Variants in MARCHF8 observed in about 807,000 individuals in gnomAD.
MARCHF8 encodes the protein E3 ubiquitin-protein ligase MARCHF8.
A neutral mutation model predicts 51.6 loss-of-function variants in MARCHF8; 40 were observed. The observed-to-expected ratio is 0.77, with a 90% CI of 0.60 to 1.01. The LOEUF is 1.01. MARCHF8 is among the 50% of genes least tolerant of loss of function. The probability of loss-of-function intolerance (pLI) is 0.00; values close to 1 mark genes in which losing one functional copy is unlikely to be tolerated. For synonymous variants in MARCHF8, 263 were observed against 280.3 expected, an observed-to-expected ratio of 0.94 and a Z score of 0.62; for missense variants, 685 against 708.6, an observed-to-expected ratio of 0.97 and a Z score of 0.38.
rs527358215 is a variant in MARCHF8, at chr10:45,463,169, G to T, written c.1070C>A (p.Thr357Lys). 4.5e-6 allele frequency: 7 copies of T among 1,550,116 alleles called. No homozygotes were observed. Among genetic ancestry groups the T allele is most frequent in the Middle Eastern group, 1.7e-4 (1 of 5,938 alleles). The change falls in exon 5 of 8, where the codon ACG (threonine) becomes AAG (lysine). Residue 357 changes from threonine to lysine, a missense_variant. By Grantham distance (78) the Thr-to-Lys change is moderately conservative. Transcript: ENST00000453424. ...AACCAACCTGCAGACATCCCCTGAC[G>T]TGGACACGGGAGATATGGGGGGTAA... is the stretch of plus-strand genomic sequence containing the variant. Reference protein sequence around the residue: ...EKLPPISPVSTSGDVCRICHC... With the variant: ...EKLPPISPVSKSGDVCRICHC...
chr10:45,570,391 A>G (rs2133388836), intron 1 of MARCHF8, among the ~76,000 whole-genome samples: 1 of 152,346 alleles, frequency 6.6e-6, no homozygotes, highest in South Asian at 2.1e-4. Flanking sequence ...CTATAATACC[A>G]GATGCAATGA....
At chr10:45,554,849 G>A (rs148540373) in intron 1 of MARCHF8, among the ~76,000 whole-genome samples, 4 of 152,286 alleles carry the variant, frequency 2.6e-5, no homozygotes, top group Admixed American at 6.5e-5. Context: ...GAGGTCAAGC[G>A]TTCAAGACCA....
chr10:45,476,839 A>G (rs2133019447), intron 3 of MARCHF8, among the ~76,000 whole-genome samples: 1 of 152,348 alleles, frequency 6.6e-6, no homozygotes, highest in South Asian at 2.1e-4. Flanking sequence ...AAAAGAAAGA[A>G]CAAAGCATAC....
At chr10:45,516,984 C>T (rs2043630291) in intron 2 of MARCHF8, among the ~76,000 whole-genome samples, 2 of 152,182 alleles carry the variant, frequency 1.3e-5, no homozygotes, top group Admixed American at 1.3e-4. Context: ...TCCTTATTAA[C>T]AGCCAGGCTC....
At chr10:45,582,264 G>GT (rs2044564219) in intron 1 of MARCHF8, among the ~76,000 whole-genome samples, 1 of 152,184 alleles carries the variant, frequency 6.6e-6, no homozygotes, top group South Asian at 2.1e-4. Flanking sequence ...GGAATTAACT[G>GT]TTAGGAGTGT....
At chr10:45,529,385 G>GA (rs1272943258) in intron 2 of MARCHF8, among the ~76,000 whole-genome samples, 1 of 152,118 alleles carries the variant, frequency 6.6e-6, no homozygotes, top group Admixed American at 6.5e-5. Context: ...GAAAACCTAG[G>GA]AAAAACTCTT....
In MARCHF8 at chr10:45,502,982, G is replaced by A. The variant is rs532583184; in HGVS notation, c.103-13565C>T. 7.2e-5 allele frequency among the ~76,000 whole-genome samples: 11 copies of A among 152,270 alleles called. No homozygotes were observed. In the South Asian group the frequency reaches 2.3e-3, roughly 32 times the overall value. On this transcript the variant is annotated intron_variant, in intron 2 of 7. Coordinates refer to ENST00000453424, the MANE Select transcript of MARCHF8 (RefSeq NM_001282866.2). ...ATGAGGGGCTCTGAAGGTATGCAAT[G>A]TAGAATGTAAGATAACTGTAACAGA... is the stretch of plus-strand genomic sequence containing the variant.
At chr10:45,460,248 C>T (rs189051090) in intron 6 of MARCHF8, among the ~76,000 whole-genome samples, 1 of 152,206 alleles carries the variant, frequency 6.6e-6, no homozygotes, top group African/African-American at 2.4e-5. Context: ...CGTAGCTTGA[C>T]ACCCTGTCAA....
At chr10:45,503,598 A>C (rs893794264) in intron 2 of MARCHF8, among the ~76,000 whole-genome samples, 1 of 151,516 alleles carries the variant, frequency 6.6e-6, no homozygotes, top group Admixed American at 6.6e-5. Flanking sequence ...AATAAAAAAC[A>C]ACCAATTATA....
chr10:45,494,368 T>C (rs1248082166), intron 2 of MARCHF8, among the ~76,000 whole-genome samples: 1 of 152,146 alleles, frequency 6.6e-6, no homozygotes, highest in Admixed American at 6.5e-5. Flanking sequence ...GGATTCTGTA[T>C]GAAAGAGTCA....
intron 2 of MARCHF8, among the ~76,000 whole-genome samples, chr10:45,525,487 G>C (rs1370837457): frequency 6.6e-6 from 1 of 152,144 alleles, no homozygotes; most frequent in Non-Finnish European, 1.5e-5. Context: ...TGCAATTTGG[G>C]TTCCAGACAT....
At chr10:45,546,050 T>C (rs1394051508) in intron 1 of MARCHF8, among the ~76,000 whole-genome samples, 1 of 152,254 alleles carries the variant, frequency 6.6e-6, no homozygotes, top group Non-Finnish European at 1.5e-5. Flanking sequence ...AACAGTCTGA[T>C]GCAAATTTTG....
At chr10:45,555,870 G>C (rs770985125) in intron 1 of MARCHF8, among the ~76,000 whole-genome samples, 2 of 152,138 alleles carry the variant, frequency 1.3e-5, no homozygotes, top group Non-Finnish European at 2.9e-5. Context: ...TAAGTAAAGA[G>C]AAAGAGTCAC....
intron 2 of MARCHF8, among the ~76,000 whole-genome samples, chr10:45,527,327 A>C (rs2043810037): frequency 6.6e-6 from 1 of 152,042 alleles, no homozygotes; most frequent in Non-Finnish European, 1.5e-5. Context: ...AAAGAAACAA[A>C]AAGTTGCTTC....
chr10:45,459,166 C>T lies in MARCHF8; in HGVS notation c.1371G>A (p.Val457=). 1 of 1,614,062 alleles carries T rather than the reference C, an allele frequency of 6.2e-7. No homozygotes were observed. The highest frequency in any genetic ancestry group is 1.3e-5 in the African/African-American group (1 of 75,012). The change falls in exon 7 of 8, where the codon GTG becomes GTA. Residue 457 remains valine (V), a synonymous_variant. Transcript: ENST00000453424. ...TCTCCTCAGCAGTACGGTCAATGAG[C>T]ACATACAAGGACCAGACCACACATG... ...AITCVVWSLY[V]LIDRTAEEIK...
chr10:45,456,217 G>T lies in MARCHF8; in HGVS notation c.*2022C>A, dbSNP rs1046141965. 1.3e-5 allele frequency: 2 copies of T among 152,408 alleles called. No homozygotes were observed. Among genetic ancestry groups the T allele is most frequent in the African/African-American group, 2.4e-5 (1 of 41,472 alleles). The allele number at this position is 152,408 out of a possible 1,614,324, so 9.4% of individuals were successfully genotyped here. A position where few individuals can be genotyped will look rare whatever the true frequency, so the allele number is the denominator to read the frequency against. ...TTCAGCTCCCCTGAGTGGACAGTCTGTGGTTGCCTGGGGTCCCCAGGCTGA... is the reference window on the plus strand; with the variant it reads ...TTCAGCTCCCCTGAGTGGACAGTCTTTGGTTGCCTGGGGTCCCCAGGCTGA... On this transcript the variant is annotated 3_prime_UTR_variant, in exon 8 of 8. Coordinates refer to ENST00000453424, the MANE Select transcript of MARCHF8 (RefSeq NM_001282866.2).
chr10:45,520,547 G>C (rs866977437), intron 2 of MARCHF8, among the ~76,000 whole-genome samples: 113 of 152,342 alleles, frequency 7.4e-4, no homozygotes, highest in African/African-American at 2.5e-3. Flanking sequence ...TTGAGAGTTA[G>C]AATGGGACGA....
intron 1 of MARCHF8, among the ~76,000 whole-genome samples, chr10:45,551,291 G>A (rs917786366): frequency 6.6e-6 from 1 of 152,200 alleles, no homozygotes; most frequent in Non-Finnish European, 1.5e-5. Flanking sequence ...TCAGAAGTCT[G>A]TCATTAAGAA....
intron 1 of MARCHF8, among the ~76,000 whole-genome samples, chr10:45,567,020 C>CT (rs2044372306): frequency 6.6e-6 from 1 of 152,166 alleles, no homozygotes; most frequent in South Asian, 2.1e-4. Flanking sequence ...TTGCATTTCT[C>CT]TGATGATTGA....
Sources: gnomAD v4.1 joint callset for allele counts (sites outside exome capture counted in the v4.1 genomes callset) on GRCh38, gnomAD v4.1.1 for gene constraint, MANE v1.5 for transcripts, NCBI Gene and HGNC (gene_info 2026-07-23, HGNC 2026-07-21) for gene names.